DNAH1: variants seen among roughly 807,000 people sequenced by gnomAD.
The protein encoded by DNAH1 is axonemal beta dynein heavy chain 1.
In DNAH1, 327 loss-of-function variants were observed where a neutral mutation model predicts 484.3. The ratio of observed to expected loss-of-function variants is 0.68; its 90% confidence interval spans 0.62 to 0.74. The LOEUF is 0.74. Among genes scored for constraint, DNAH1 ranks in the 30% least tolerant of loss-of-function variants. The pLI is 0.00. For synonymous variants in DNAH1, 2,192 were observed against 2,191.9 expected (o/e 1.00, Z 0.00); for missense variants, 5,052 against 5,546.8 (o/e 0.91, Z 2.83).
chr3:52,313,375 C>T (rs890785942), upstream of DNAH1, among the ~76,000 whole-genome samples: 1 of 152,068 alleles, frequency 6.6e-6, no homozygotes, highest in African/African-American at 2.4e-5. Flanking sequence ...GGTAGATGCC[C>T]CTCCTCCTCC....
At position 52,348,931 on chromosome 3, in the gene DNAH1, A is replaced by C. The variant is rs1315770344; in HGVS notation, c.2150A>C (p.Glu717Ala). Residue 717 changes from glutamate to alanine, a missense_variant, in exon 13 of 78, where the codon GAG becomes GCG. Glu to Ala is a moderately radical substitution (Grantham distance 107, BLOSUM62 -1). Coordinates refer to ENST00000420323, the MANE Select transcript of DNAH1 (RefSeq NM_015512.5). ...DIFISGDPLL[E>A]SVGLHEPLVE... The stretch of plus-strand genomic sequence containing the variant: ...TTCATCAGCGGTGACCCCCTGCTGG[A>C]GTCCGTGGGCCTTCATGAGCCACTG... 6.2e-7 allele frequency: 1 copy of C among 1,613,382 alleles called. No individual in the cohort carries two copies. The highest frequency in any genetic ancestry group is 2.2e-5 in the East Asian group (1 of 44,866).
Position 52,357,866 on chromosome 3 carries a change from G to A in DNAH1, c.3981-32G>A, listed in dbSNP as rs370886770. 7.4e-5 allele frequency: 119 copies of A among 1,602,270 alleles called. 1 individual carries two copies. The Admixed American group carries it at 1.8e-3, about 25-fold the overall frequency. The stretch of plus-strand genomic sequence containing the variant: ...CAGCTGGGGCCCAGGGAGCCTGCAC[G>A]ACCCGCTTCCTCACCCCTGTTCCCC... On this transcript the variant is annotated intron_variant, in intron 23 of 77. Coordinates refer to ENST00000420323, the MANE Select transcript of DNAH1 (RefSeq NM_015512.5).
chr3:52,334,034 A>G (rs938392884), intron 8 of DNAH1, among the ~76,000 whole-genome samples: 2 of 152,208 alleles, frequency 1.3e-5, no homozygotes, highest in Non-Finnish European at 2.9e-5. Context: ...GCATCACTTA[A>G]TGATAGGGAC....
rs1373695595 is a variant in DNAH1, at chr3:52,349,138, C to T, written c.2300+57C>T. The stretch of plus-strand genomic sequence containing the variant: ...TGTCTGTGTGTTTGTGCATGTGTAT[C>T]CCCTGCCCACCCTGCTCACCATCCT... On this transcript the variant is annotated intron_variant, in intron 13 of 77. Coordinates refer to ENST00000420323, the MANE Select transcript of DNAH1 (RefSeq NM_015512.5). The T allele has an allele frequency of 1.2e-5, 19 of 1,611,638 alleles. No individual in the cohort carries two copies. The African/African-American group carries it at 1.7e-4, about 15-fold the overall frequency.
chr3:52,381,813 C>A lies in DNAH1; in HGVS notation c.7782C>A (p.Ser2594=). ...LLGVGGSGRS[S]LTRLASHMAE... Reference sequence around the variant, plus strand: ...GCGTGGGTGGCAGCGGCCGCAGCTCCCTCACAAGGCTCGCCTCGCACATGT... The same window carrying A: ...GCGTGGGTGGCAGCGGCCGCAGCTCACTCACAAGGCTCGCCTCGCACATGT... Residue 2594 remains serine (S), a synonymous_variant, in exon 49 of 78, where the codon TCC becomes TCA. Transcript: ENST00000420323. This position sits in a 1 kb window ranked among gnomAD's most constrained non-coding sequence, Gnocchi z 4.1. 6.3e-7 allele frequency: 1 copy of A among 1,599,248 alleles called. No homozygotes were observed. Among genetic ancestry groups the A allele is most frequent in the East Asian group, 2.3e-5 (1 of 44,132 alleles).
intron 16 of DNAH1, among the ~76,000 whole-genome samples, chr3:52,350,966 C>T (rs1361793027): frequency 6.6e-6 from 1 of 152,248 alleles, no homozygotes; most frequent in Non-Finnish European, 1.5e-5. Context: ...CTCCCTGCCT[C>T]AGCCTCCTGA....
In DNAH1 at chr3:52,358,107, A is replaced by C; in HGVS notation, c.4086+104A>C. The C allele has an allele frequency of 1.1e-6, 1 of 914,606 alleles. No individual in the cohort carries two copies. Among genetic ancestry groups the C allele is most frequent in the Non-Finnish European group, 1.6e-6 (1 of 617,288 alleles). The allele number at this position is 914,606 out of a possible 1,614,324, so 56.7% of individuals were successfully genotyped here. On this transcript the variant is annotated intron_variant, in intron 24 of 77. Coordinates refer to ENST00000420323, the MANE Select transcript of DNAH1 (RefSeq NM_015512.5). The surrounding 1 kb of genome is among the most constrained non-coding windows in gnomAD (Gnocchi z 4.2). ...GCCCTTTTAGCAGGAAATGTGGCAA[A>C]TGACATTCCTGGTCTTTGGAGACAC... is the stretch of plus-strand genomic sequence containing the variant.
Position 52,378,474 on chromosome 3 carries a change from C to G in DNAH1, c.7199-128C>G, listed in dbSNP as rs953635753. Reference sequence around the variant, plus strand: ...ATGGGGCCAAAGGGTACGTGGAATCCAAGCCTGAAGGCTGGGGAAGGGGCT... The same window carrying G: ...ATGGGGCCAAAGGGTACGTGGAATCGAAGCCTGAAGGCTGGGGAAGGGGCT... On this transcript the variant is annotated intron_variant, in intron 46 of 77. Transcript: ENST00000420323. 5.7e-6 allele frequency: 6 copies of G among 1,053,720 alleles called. No homozygotes were observed. In the East Asian group the frequency reaches 1.4e-4, roughly 25 times the overall value. The allele number at this position is 1,053,720 out of a possible 1,614,324, so 65.3% of individuals were successfully genotyped here. A position where few individuals can be genotyped will look rare whatever the true frequency, so the allele number is the denominator to read the frequency against.
chr3:52,396,279 A>G (rs1162959173), intron 70 of DNAH1, 89 bp from the exon 71 acceptor site: 4 of 1,431,304 alleles, frequency 2.8e-6, no homozygotes, highest in Non-Finnish European at 3.8e-6. Context: ...CGCCTGACCC[A>G]CCTCAGGGTC....
Position 52,394,682 on chromosome 3 carries a change from T to C in DNAH1, c.10823+21T>C, listed in dbSNP as rs756014307. On this transcript the variant is annotated intron_variant, in intron 67 of 77. Coordinates refer to ENST00000420323, the MANE Select transcript of DNAH1 (RefSeq NM_015512.5). ...CACCGGTTAGCTGGGCCCCAGAATA[T>C]GGCAGGATGAGCCCATCGAGGGGAT... 3.2e-5 allele frequency: 50 copies of C among 1,551,282 alleles called. 2 individuals are homozygous for C. The Middle Eastern group carries it at 5.2e-4, about 16-fold the overall frequency.
chr3:52,324,427 G>T (rs554392260), intron 3 of DNAH1, among the ~76,000 whole-genome samples: 177 of 152,252 alleles, frequency 1.2e-3, no homozygotes, highest in African/African-American at 4.0e-3. Context: ...GAGAACAGGG[G>T]CTCCAGGAGA....
At chr3:52,389,097 G>A (rs1228283419) in intron 59 of DNAH1, among the ~76,000 whole-genome samples, 160 bp downstream of exon 59, 4 of 152,238 alleles carry the variant, frequency 2.6e-5, no homozygotes, top group East Asian at 1.9e-4. Context: ...GCCAGGCGCT[G>A]TAAAGCACTG....
At position 52,349,402 on chromosome 3, in the gene DNAH1, G is replaced by A; in HGVS notation, c.2508G>A (p.Leu836=). 1 of 1,613,812 alleles carries A rather than the reference G, an allele frequency of 6.2e-7. No homozygotes were observed. The highest frequency in any genetic ancestry group is 8.5e-7 in the Non-Finnish European group (1 of 1,179,864). ...TGCTGGACATCCTTGCCAAGAACCTGCATAAGGAGGTGGATAGCGTAAGTG... is the reference window on the plus strand; with the variant it reads ...TGCTGGACATCCTTGCCAAGAACCTACATAAGGAGGTGGATAGCGTAAGTG... ...TSVLDILAKN[L]HKEVDSICEE... The change falls in exon 14 of 78, where the codon CTG becomes CTA. Residue 836 remains leucine (L), a synonymous_variant. Coordinates refer to ENST00000420323, the MANE Select transcript of DNAH1 (RefSeq NM_015512.5).
chr3:52,332,536 G>A (rs1428421334), intron 8 of DNAH1, 142 bp downstream of exon 8: 11 of 1,269,532 alleles, frequency 8.7e-6, no homozygotes, highest in Non-Finnish European at 1.2e-5. Context: ...CTCTGGACTT[G>A]TTGGGGCCTC....
intron 8 of DNAH1, among the ~76,000 whole-genome samples, chr3:52,334,229 G>A (rs1701656029): frequency 1.3e-5 from 2 of 152,110 alleles, no homozygotes; most frequent in African/African-American, 4.8e-5. Flanking sequence ...TAACACAACG[G>A]CAAGTATTCA....
chr3:52,391,948 C>T (rs1286767667), intron 63 of DNAH1, among the ~76,000 whole-genome samples: 1 of 152,192 alleles, frequency 6.6e-6, no homozygotes, highest in African/African-American at 2.4e-5. Context: ...TGACCCAGAG[C>T]CCTGAGTCGG....
chr3:52,330,456 C>T, intron 6 of DNAH1, among the ~76,000 whole-genome samples: 1 of 152,218 alleles, frequency 6.6e-6, no homozygotes, highest in East Asian at 1.9e-4. Context: ...AATGAGGCGA[C>T]CTGAGTGGAG....
In DNAH1 at chr3:52,331,241, C is replaced by CAG. The variant is rs1372346645; in HGVS notation, c.967_968dup (p.Asp323GlufsTer16). ...AAGAAGCTATACCTGGTACACAAGA[C>CAG]AGACGAGAAAGGCCTGGTGCGAGAT... On this transcript the variant is annotated frameshift_variant, in exon 7 of 78. Coordinates refer to ENST00000420323, the MANE Select transcript of DNAH1 (RefSeq NM_015512.5). LOFTEE classifies it high-confidence loss of function. 1 of 1,611,486 alleles carries CAG rather than the reference C, an allele frequency of 6.2e-7. No homozygotes were observed. Among genetic ancestry groups the CAG allele is most frequent in the Non-Finnish European group, 8.5e-7 (1 of 1,178,908 alleles).
At chr3:52,387,613 C>T (rs907679934) in intron 56 of DNAH1, among the ~76,000 whole-genome samples, 8 of 152,236 alleles carry the variant, frequency 5.3e-5, no homozygotes, top group African/African-American at 1.9e-4. Flanking sequence ...CTAATCAAGT[C>T]CCTCTGAGAG....
Sources: gnomAD v4.1 joint callset for allele counts (sites outside exome capture counted in the v4.1 genomes callset) on GRCh38, gnomAD v4.1.1 for gene constraint, Gnocchi (gnomAD v3.1) non-coding constraint, MANE v1.5 for transcripts, NCBI Gene and HGNC (gene_info 2026-07-23, HGNC 2026-07-21) for gene names.